The following STX8 variants were observed in gnomAD, a reference collection of about 807,000 sequenced individuals.
STX8 encodes syntaxin 8.
In STX8, 23 loss-of-function variants were observed where a neutral mutation model predicts 37.5. The ratio of observed to expected loss-of-function variants is 0.61; its 90% CI spans 0.44 to 0.87. The LOEUF is 0.87. STX8 is among the 40% of genes least tolerant of loss of function. The pLI, the probability that STX8 is intolerant of heterozygous loss-of-function variation, is 0.00. For synonymous variants in STX8, 115 were observed against 99.1 expected (o/e 1.16, Z -0.95); for missense variants, 313 against 284.7 (o/e 1.10, Z -0.71).
chr17:9,277,524 TACA>T (rs377649410), intron 7 of STX8, among the ~76,000 whole-genome samples: 19 of 152,168 alleles, frequency 1.2e-4, no homozygotes, highest in African/African-American at 4.6e-4. Flanking sequence ...GTTCTGGGAA[TACA>T]ACAAGGGTCA....
chr17:9,525,763 T>TCC (rs1905542599), intron 4 of STX8, among the ~76,000 whole-genome samples: 1 of 152,170 alleles, frequency 6.6e-6, no homozygotes, highest in Admixed American at 6.5e-5. Flanking sequence ...TAGAAAGACA[T>TCC]CCCCACATGG....
intron 2 of STX8, among the ~76,000 whole-genome samples, chr17:9,563,924 A>T (rs1770140406): frequency 1.3e-5 from 2 of 152,332 alleles, no homozygotes; most frequent in South Asian, 4.1e-4. Flanking sequence ...CTGGGATGCA[A>T]GGTTGGTTCA....
At chr17:9,313,141 A>C (rs1383389578) in intron 7 of STX8, among the ~76,000 whole-genome samples, 1 of 152,164 alleles carries the variant, frequency 6.6e-6, no homozygotes, top group Non-Finnish European at 1.5e-5. Context: ...TGGTGAGCCG[A>C]GATCACGCCA....
chr17:9,389,224 G>A (rs1912122661), intron 6 of STX8, among the ~76,000 whole-genome samples: 1 of 152,180 alleles, frequency 6.6e-6, no homozygotes, highest in Non-Finnish European at 1.5e-5. Context: ...GAGAGCCTTG[G>A]GGAATTCCCA....
chr17:9,409,897 C>G (rs138521225), intron 6 of STX8, among the ~76,000 whole-genome samples: 1 of 152,234 alleles, frequency 6.6e-6, no homozygotes, highest in African/African-American at 2.4e-5. Flanking sequence ...CACAGTTAAT[C>G]ATCGGAACAT....
At position 9,513,443 on chromosome 17, in the gene STX8, C is replaced by T. The variant is rs951582406; in HGVS notation, c.324-8281G>A. On this transcript the variant is annotated intron_variant, in intron 4 of 7. Coordinates refer to ENST00000306357, the MANE Select transcript of STX8 (RefSeq NM_004853.3). ...ATACAAATTGCTCAGCATTACTAAT[C>T]GTCAGGGAACTGCAAATCCAAATCA... 2.0e-5 allele frequency among the ~76,000 whole-genome samples: 3 copies of T among 152,188 alleles called. No homozygotes were observed. The East Asian group carries it at 5.8e-4, about 29-fold the overall frequency.
chr17:9,297,751 C>T (rs1242696865), intron 7 of STX8, among the ~76,000 whole-genome samples: 1 of 152,154 alleles, frequency 6.6e-6, no homozygotes, highest in Non-Finnish European at 1.5e-5. Flanking sequence ...TGGCACACAC[C>T]TGTAGTCCCA....
At chr17:9,555,749 AG>A (rs1440383434) in intron 3 of STX8, 1 of 152,230 alleles carries the variant, frequency 6.6e-6, no homozygotes, top group Non-Finnish European at 1.5e-5. Context: ...ACAAAAAATT[AG>A]CCAGGCGAGG....
intron 3 of STX8, chr17:9,552,993 C>T (rs999943800): frequency 6.6e-6 from 1 of 152,080 alleles, no homozygotes; most frequent in Non-Finnish European, 1.5e-5. Context: ...CACCAAAGTA[C>T]TTTTTGACAT....
intron 6 of STX8, among the ~76,000 whole-genome samples, chr17:9,394,646 T>C (rs1912333558): frequency 2.0e-5 from 3 of 151,106 alleles, no homozygotes; most frequent in Non-Finnish European, 4.4e-5. Context: ...ATTACAGGCG[T>C]GAGCCACCGC....
At chr17:9,449,923 A>G (rs988796947) in intron 6 of STX8, among the ~76,000 whole-genome samples, 2 of 151,822 alleles carry the variant, frequency 1.3e-5, no homozygotes, top group African/African-American at 4.9e-5. Context: ...GTTTGAGGCC[A>G]GCCTGGGAAA....
At chr17:9,299,148 A>G (rs1456867785) in intron 7 of STX8, among the ~76,000 whole-genome samples, 3 of 152,278 alleles carry the variant, frequency 2.0e-5, no homozygotes, top group Non-Finnish European at 4.4e-5. Context: ...TTCAGATGGC[A>G]CTGGTGACCA....
chr17:9,504,659 G>A (rs113037157), intron 5 of STX8, among the ~76,000 whole-genome samples: 1,928 of 152,096 alleles, frequency 0.013, 46 homozygotes, highest in African/African-American at 0.044. Flanking sequence ...CAATGGGGAT[G>A]AGGAACAAAC....
chr17:9,381,080 G>A (rs1911798970), intron 6 of STX8, among the ~76,000 whole-genome samples: 1 of 152,114 alleles, frequency 6.6e-6, no homozygotes, highest in Non-Finnish European at 1.5e-5. Flanking sequence ...CAGCCTAGGG[G>A]CAATAGGCCA....
chr17:9,410,807 GT>G (rs756823410), intron 6 of STX8, among the ~76,000 whole-genome samples: 4 of 152,098 alleles, frequency 2.6e-5, no homozygotes, highest in Non-Finnish European at 5.9e-5. Context: ...TTCCTAAAAT[GT>G]TTAAAAACAT....
intron 7 of STX8, among the ~76,000 whole-genome samples, chr17:9,252,572 G>A (rs1906625052): frequency 7.0e-6 from 1 of 143,518 alleles, no homozygotes; most frequent in Non-Finnish European, 1.5e-5. Flanking sequence ...TCACACCACT[G>A]CAATACAGCC....
chr17:9,436,696 A>C (rs1567560296), intron 6 of STX8, among the ~76,000 whole-genome samples: 1 of 152,202 alleles, frequency 6.6e-6, no homozygotes, highest in Non-Finnish European at 1.5e-5. Context: ...GAAAGAGCTG[A>C]AAGATGTTTG....
At chr17:9,254,253 C>T (rs1157174820) in intron 7 of STX8, among the ~76,000 whole-genome samples, 1 of 152,140 alleles carries the variant, frequency 6.6e-6, no homozygotes, top group Admixed American at 6.5e-5. Flanking sequence ...CTCCCAGCTT[C>T]GACACGCGCT....
chr17:9,291,497 G>C (rs1054592912), intron 7 of STX8, among the ~76,000 whole-genome samples: 1 of 149,270 alleles, frequency 6.7e-6, no homozygotes, highest in South Asian at 2.1e-4. Context: ...TACTTCCATT[G>C]TGGTACACAT....
Sources: gnomAD v4.1 joint callset for allele counts (sites outside exome capture counted in the v4.1 genomes callset) on GRCh38, gnomAD v4.1.1 for gene constraint, MANE v1.5 for transcripts, NCBI Gene and HGNC (gene_info 2026-07-23, HGNC 2026-07-21) for gene names.